The following CD38 variants were observed in gnomAD, a reference collection of about 807,000 sequenced individuals.
The protein encoded by CD38 is ADP-ribosyl cyclase/cyclic ADP-ribose hydrolase 1.
CD38 carries 31 observed loss-of-function variants against 36.3 expected under a neutral mutation model. The ratio of observed to expected loss-of-function variants is 0.85; its 90% CI spans 0.64 to 1.15. CD38 has a LOEUF of 1.15. CD38 is among the 50% of genes most tolerant of loss of function. The pLI is 0.00. For missense variants in CD38, 380 were observed against 371.9 expected (o/e 1.02, Z -0.18); for synonymous variants, 131 against 135.2 (o/e 0.97, Z 0.22).
chr4:15,784,329 C>T (rs1722765455), intron 1 of CD38, among the ~76,000 whole-genome samples: 1 of 152,200 alleles, frequency 6.6e-6, no homozygotes, highest in African/African-American at 2.4e-5. Flanking sequence ...TTCAGGTCTT[C>T]CTTTAAAGGT....
rs146584198 is a variant in CD38 at position 15,805,555 on chromosome 4, G to A, written c.234-10956G>A. ...TCATTATGTTTATTGTTTATTGTCCGTCTTTGTTCCAGTAAAATGTAAACT... is the reference window on the plus strand; with the variant it reads ...TCATTATGTTTATTGTTTATTGTCCATCTTTGTTCCAGTAAAATGTAAACT... On this transcript the variant is annotated intron_variant, in intron 1 of 7. Transcript: ENST00000226279. Among the ~76,000 whole-genome samples the A allele has an allele frequency of 5.1e-3, 770 of 151,990 alleles. 14 individuals are homozygous for A. Among genetic ancestry groups the A allele is most frequent in the African/African-American group, 0.018 (734 of 41,432 alleles).
At chr4:15,824,116 G>A (rs919641051) in intron 2 of CD38, among the ~76,000 whole-genome samples, 4 of 152,126 alleles carry the variant, frequency 2.6e-5, no homozygotes, top group African/African-American at 9.7e-5. Context: ...ATGGACACCA[G>A]GAGGGGAAAA....
rs552227123 is a variant in CD38 at position 15,816,766 on chromosome 4, T to C, written c.363+126T>C. On this transcript the variant is annotated intron_variant, in intron 2 of 7. Transcript: ENST00000226279. ...CCAGACATTATAGTGTGAGTGTGGT[T>C]GGTAGGAATGGAATTTGCAGGCCAT... is the stretch of plus-strand genomic sequence containing the variant. The C allele has an allele frequency of 9.6e-5, 99 of 1,032,390 alleles. 1 individual carries two copies. Among genetic ancestry groups the C allele is most frequent in the Admixed American group, 5.1e-4 (29 of 56,850 alleles). 64.0% of individuals were successfully genotyped at this position (1,032,390 alleles called of 1,614,324 possible).
intron 1 of CD38, among the ~76,000 whole-genome samples, chr4:15,791,781 G>A (rs1223186476): frequency 3.9e-5 from 3 of 77,308 alleles, no homozygotes; most frequent in Admixed American, 9.3e-5. Flanking sequence ...CCGGCCAGCC[G>A]CCCCGTCCGG....
chr4:15,815,401 C>T (rs1455261739), intron 1 of CD38, among the ~76,000 whole-genome samples: 2 of 152,112 alleles, frequency 1.3e-5, no homozygotes, highest in Non-Finnish European at 2.9e-5. Flanking sequence ...TATCTATGAG[C>T]ATGGAATTTT....
intron 2 of CD38, among the ~76,000 whole-genome samples, 166 bp from the exon 3 acceptor site, chr4:15,824,715 C>G (rs559840546): frequency 6.6e-6 from 1 of 152,162 alleles, no homozygotes; most frequent in African/African-American, 2.4e-5. Flanking sequence ...CTCTCCGCCA[C>G]TCTCCTGCAC....
At chr4:15,840,191 C>T (rs1032766730) in intron 6 of CD38, 73 bp downstream of exon 6, 27 of 1,063,584 alleles carry the variant, frequency 2.5e-5, no homozygotes, top group Admixed American at 8.7e-5. Flanking sequence ...GTCACAAGCA[C>T]GCACTGGGAA....
At chr4:15,790,437 C>T (rs1305282457) in intron 1 of CD38, among the ~76,000 whole-genome samples, 2 of 152,036 alleles carry the variant, frequency 1.3e-5, no homozygotes, top group Admixed American at 6.5e-5. Flanking sequence ...CTCGGCCTCC[C>T]GAGGTGCCGG....
intron 1 of CD38, among the ~76,000 whole-genome samples, chr4:15,789,483 A>G (rs1166954234): frequency 6.6e-6 from 1 of 152,224 alleles, no homozygotes; most frequent in Non-Finnish European, 1.5e-5. Flanking sequence ...AAAAAGCCAT[A>G]AACTTTGGGG....
At chr4:15,816,144 T>C (rs1347396502) in intron 1 of CD38, among the ~76,000 whole-genome samples, 1 of 152,244 alleles carries the variant, frequency 6.6e-6, no homozygotes, top group Admixed American at 6.5e-5. Context: ...AGCTTTTTGA[T>C]GTGCTGCTGG....
chr4:15,829,805 GA>G (rs1723923105), intron 3 of CD38, among the ~76,000 whole-genome samples: 1 of 152,074 alleles, frequency 6.6e-6, no homozygotes. Context: ...CAGTTGTTTT[GA>G]TTTGTTGGAT....
rs79375842 is a variant in CD38 at position 15,818,693 on chromosome 4, C to T, written c.363+2053C>T. On this transcript the variant is annotated intron_variant, in intron 2 of 7. Transcript: ENST00000226279. ...TCTTTGCTGTTCTGTAGCCTCCACTCGTGATACCTTCAGGTGCGGGAGGAA... is the reference window on the plus strand; with the variant it reads ...TCTTTGCTGTTCTGTAGCCTCCACTTGTGATACCTTCAGGTGCGGGAGGAA... Among the ~76,000 whole-genome samples the T allele has an allele frequency of 1.3e-4, 20 of 152,222 alleles. No homozygotes were observed. The East Asian group carries it at 2.1e-3, about 16-fold the overall frequency.
At chr4:15,790,981 G>A (rs188155970) in intron 1 of CD38, among the ~76,000 whole-genome samples, 15,451 of 138,752 alleles carry the variant, frequency 0.11, 940 homozygotes, top group South Asian at 0.2. Flanking sequence ...TCCGTCCGGC[G>A]GCCACCCCGT....
rs142149974 is a variant in CD38, at chr4:15,778,435, C to G, written c.21C>G (p.Ser7Arg). The G allele has an allele frequency of 1.0e-4, 164 of 1,613,810 alleles. No individual in the cohort carries two copies. The African/African-American group carries it at 2.1e-3, about 20-fold the overall frequency. ...GCCCTATGGCCAACTGCGAGTTCAG[C>G]CCGGTGTCCGGGGACAAACCCTGCT... MANCEF[S>R]PVSGDKPCCR... Residue 7 changes from serine to arginine, a missense_variant, in exon 1 of 8, where the codon AGC becomes AGG. Ser to Arg is a moderately radical substitution (Grantham distance 110, BLOSUM62 -1). Transcript: ENST00000226279. This position sits in a 1 kb window ranked among gnomAD's most constrained non-coding sequence, Gnocchi z 4.9.
intron 1 of CD38, among the ~76,000 whole-genome samples, chr4:15,812,710 A>G (rs1036453556): frequency 3.3e-5 from 5 of 152,184 alleles, no homozygotes; most frequent in African/African-American, 9.7e-5. Context: ...AAAAAAACAA[A>G]AACAAAAACA....
intron 1 of CD38, among the ~76,000 whole-genome samples, chr4:15,780,247 T>C (rs1722661507): frequency 6.6e-6 from 1 of 152,188 alleles, no homozygotes; most frequent in Admixed American, 6.5e-5. Flanking sequence ...AAAATAGTTG[T>C]GCCATTTTAC....
intron 1 of CD38, among the ~76,000 whole-genome samples, chr4:15,791,871 C>T (rs1723005714): frequency 1.1e-5 from 1 of 91,552 alleles, no homozygotes; most frequent in Non-Finnish European, 2.0e-5. Flanking sequence ...CCGGCCGCCC[C>T]TACTGGGAAG....
At chr4:15,804,881 C>A (rs1723309073) in intron 1 of CD38, among the ~76,000 whole-genome samples, 1 of 152,028 alleles carries the variant, frequency 6.6e-6, no homozygotes, top group South Asian at 2.1e-4. Flanking sequence ...TGAACAATAA[C>A]TTATTGTATA....
chr4:15,829,098 T>C (rs1254241152), intron 3 of CD38, among the ~76,000 whole-genome samples: 1 of 152,234 alleles, frequency 6.6e-6, no homozygotes, highest in Non-Finnish European at 1.5e-5. Context: ...AAAATATATT[T>C]GTTGGCCATT....
Sources: allele counts gnomAD v4.1 joint callset (sites outside exome capture counted in the v4.1 genomes callset), GRCh38; gene constraint gnomAD v4.1.1; non-coding constraint Gnocchi (gnomAD v3.1); transcripts MANE v1.5; gene names NCBI Gene and HGNC (gene_info 2026-07-23, HGNC 2026-07-21).